MAP4: variants seen among roughly 807,000 people sequenced by gnomAD.
MAP4 encodes the protein microtubule associated protein 4, also known as microtubule-associated protein 4.
A neutral mutation model predicts 170.2 loss-of-function variants in MAP4; 76 were observed. The ratio of observed to expected loss-of-function variants is 0.45; its 90% CI spans 0.37 to 0.54. The LOEUF is 0.54. Ranked by LOEUF, MAP4 falls within the 20% of genes least tolerant of loss-of-function variation. The probability of loss-of-function intolerance (pLI) is 0.00; values close to 1 mark genes in which losing one functional copy is unlikely to be tolerated. For synonymous variants in MAP4, 909 were observed against 994.5 expected, an observed-to-expected ratio of 0.91 and a Z score of 1.62; for missense variants, 2,506 against 2,748.0, an observed-to-expected ratio of 0.91 and a Z score of 1.97.
rs534055538 is a variant in MAP4, at chr3:47,990,815, A to C, written c.223+7823T>G. On this transcript the variant is annotated intron_variant, in intron 2 of 20. Coordinates refer to ENST00000683076, the MANE Select transcript of MAP4 (RefSeq NM_001385682.1). ...GAAAACACCATTTTTTAAGGAAAAAAGTCAGGAAGTACATAATTTTCTTTT... is the reference window on the plus strand; with the variant it reads ...GAAAACACCATTTTTTAAGGAAAAACGTCAGGAAGTACATAATTTTCTTTT... Among the ~76,000 whole-genome samples, 7 of 143,796 alleles carry C rather than the reference A, an allele frequency of 4.9e-5. No individual in the cohort carries two copies. In the South Asian group the frequency reaches 1.4e-3, roughly 29 times the overall value. The allele number at this position is 143,796 out of a possible 152,430, so 94.3% of individuals were successfully genotyped here.
Position 47,865,443 on chromosome 3 carries a change from G to A in MAP4, c.6501+1803C>T, listed in dbSNP as rs186044509. On this transcript the variant is annotated intron_variant, in intron 17 of 20. Transcript: ENST00000683076. ...TCTGGTCAAGCAATTCCACCCGAGT[G>A]TAAAGGATGCCATTTCTACCCAGGC... Among the ~76,000 whole-genome samples the A allele has an allele frequency of 1.5e-3, 236 of 152,302 alleles. 2 individuals are homozygous for A. The highest frequency in any genetic ancestry group is 4.0e-4 in the Non-Finnish European group (27 of 68,032).
At chr3:47,922,333 G>A (rs2100043408) in intron 4 of MAP4, among the ~76,000 whole-genome samples, 1 of 152,012 alleles carries the variant, frequency 6.6e-6, no homozygotes, top group African/African-American at 2.4e-5. Flanking sequence ...ACATGGTAGA[G>A]AATCAATATT....
At chr3:48,056,482 G>A (rs1345597744) in intron 1 of MAP4, among the ~76,000 whole-genome samples, 1 of 58,908 alleles carries the variant, frequency 1.7e-5, no homozygotes, top group Non-Finnish European at 3.5e-5. Context: ...CGTCCGGGAG[G>A]GAGGTGGGGG....
At chr3:47,899,411 A>T (rs747184981) in intron 10 of MAP4, among the ~76,000 whole-genome samples, 11 of 152,304 alleles carry the variant, frequency 7.2e-5, no homozygotes, top group Middle Eastern at 3.4e-3. Context: ...AAGTGCTGGG[A>T]TTACAAGTGT....
chr3:47,917,201 T>C, intron 6 of MAP4, 27 bp from the exon 7 acceptor site: 1 of 1,585,036 alleles, frequency 6.3e-7, no homozygotes, highest in Non-Finnish European at 8.6e-7. Flanking sequence ...GGACACATCA[T>C]TGTCTACTCA....
intron 4 of MAP4, among the ~76,000 whole-genome samples, 157 bp from the exon 5 acceptor site, chr3:47,922,035 C>T (rs2100043202): frequency 6.6e-6 from 1 of 151,806 alleles, no homozygotes; most frequent in Non-Finnish European, 1.5e-5. Flanking sequence ...GCAACCTCTA[C>T]CTCCCAGGTT....
At chr3:48,063,678 GC>G (rs1423899328) in intron 1 of MAP4, among the ~76,000 whole-genome samples, 1 of 151,858 alleles carries the variant, frequency 6.6e-6, no homozygotes, top group African/African-American at 2.4e-5. Flanking sequence ...AAAGAAATGA[GC>G]CATCAAGCCA....
rs1039374335 is a variant in MAP4, at chr3:47,961,930, G to A, written c.292+15935C>T. ...GACCAGCAGGACTTAATTTCCTGTC[G>A]CACCCTGCTGATTGGAACAAGATCT... On this transcript the variant is annotated intron_variant, in intron 3 of 20. Transcript: ENST00000683076. 5.3e-5 allele frequency among the ~76,000 whole-genome samples: 8 copies of A among 152,190 alleles called. 1 individual carries two copies. Among genetic ancestry groups the A allele is most frequent in the South Asian group, 4.1e-4 (2 of 4,820 alleles).
chr3:48,040,338 G>T (rs1579469710), intron 1 of MAP4, among the ~76,000 whole-genome samples: 1 of 151,668 alleles, frequency 6.6e-6, no homozygotes, highest in African/African-American at 2.4e-5. Flanking sequence ...GCGTGATCTC[G>T]GCTCACTGCA....
intron 4 of MAP4, among the ~76,000 whole-genome samples, chr3:47,925,788 T>A (rs2100045498): frequency 6.6e-6 from 1 of 152,242 alleles, no homozygotes. Context: ...AAAAGTGTTC[T>A]AAAATTGAAT....
intron 10 of MAP4, among the ~76,000 whole-genome samples, chr3:47,882,664 T>C (rs1340104661): frequency 6.6e-6 from 1 of 152,106 alleles, no homozygotes; most frequent in Non-Finnish European, 1.5e-5. Flanking sequence ...GGTCTCAAAC[T>C]CTGGGCTCAA....
At chr3:48,028,565 G>A (rs774774845) in intron 1 of MAP4, among the ~76,000 whole-genome samples, 2 of 151,898 alleles carry the variant, frequency 1.3e-5, no homozygotes, top group African/African-American at 4.8e-5. Flanking sequence ...ACAAGGTCAG[G>A]AGTTCCAGAC....
At chr3:47,892,371 A>G (rs1306297137) in intron 10 of MAP4, 3 of 1,536,234 alleles carry the variant, frequency 2.0e-6, no homozygotes, top group African/African-American at 1.4e-5. Context: ...GTCCTCTGCC[A>G]TTCGAATCCG....
intron 10 of MAP4, among the ~76,000 whole-genome samples, chr3:47,895,546 A>C (rs2100026394): frequency 6.6e-6 from 1 of 152,250 alleles, no homozygotes; most frequent in Admixed American, 6.5e-5. Context: ...AGCATGTCTG[A>C]AGAAAGTGGT....
chr3:48,066,369 T>C (rs1463566360), intron 1 of MAP4, among the ~76,000 whole-genome samples: 1 of 152,190 alleles, frequency 6.6e-6, no homozygotes, highest in Non-Finnish European at 1.5e-5. Context: ...CCTTGTTCTT[T>C]TGTCAAAGCA....
intron 1 of MAP4, among the ~76,000 whole-genome samples, chr3:48,049,705 G>A (rs2100126530): frequency 6.6e-6 from 1 of 152,152 alleles, no homozygotes; most frequent in Non-Finnish European, 1.5e-5. Context: ...GGCCAAGGCA[G>A]GCGGATCGCG....
intron 1 of MAP4, among the ~76,000 whole-genome samples, chr3:48,068,082 T>A (rs1299261455): frequency 6.6e-6 from 1 of 151,834 alleles, no homozygotes; most frequent in Non-Finnish European, 1.5e-5. Context: ...CTGGACAACA[T>A]GGTGAAACCC....
chr3:48,011,687 A>G (rs1468883451), intron 1 of MAP4, among the ~76,000 whole-genome samples: 1 of 152,142 alleles, frequency 6.6e-6, no homozygotes, highest in East Asian at 1.9e-4. Context: ...GTAACTCCAG[A>G]TCATGACAGG....
At chr3:47,936,377 A>AC (rs1271192356) in intron 3 of MAP4, among the ~76,000 whole-genome samples, 6 of 151,862 alleles carry the variant, frequency 4.0e-5, no homozygotes, top group Admixed American at 1.3e-4. Context: ...GGTTGCAGTG[A>AC]CCCGAGATCA....
Sources: gnomAD v4.1 joint callset for allele counts (sites outside exome capture counted in the v4.1 genomes callset) on GRCh38, gnomAD v4.1.1 for gene constraint, MANE v1.5 for transcripts, NCBI Gene and HGNC (gene_info 2026-07-23, HGNC 2026-07-21) for gene names.